Variants in TMTC2 observed in about 807,000 individuals in gnomAD.
The protein encoded by TMTC2 is transmembrane O-mannosyltransferase targeting cadherins 2.
TMTC2 carries 43 observed loss-of-function variants against 82.4 expected under a neutral mutation model. The ratio of observed to expected loss-of-function variants is 0.52; its 90% confidence interval spans 0.41 to 0.67. The LOEUF (loss-of-function observed/expected upper bound fraction) is 0.67, where lower values mean the gene tolerates loss of function less well. Ranked by LOEUF, TMTC2 falls within the 30% of genes least tolerant of loss-of-function variation. The pLI is 0.00. For missense variants in TMTC2, 919 were observed against 1,012.4 expected, an observed-to-expected ratio of 0.91 and a Z score of 1.25; for synonymous variants, 408 against 381.9, an observed-to-expected ratio of 1.07 and a Z score of -0.80.
chr12:83,093,766 A>T (rs1193858232), intron 11 of TMTC2, among the ~76,000 whole-genome samples: 1 of 152,086 alleles, frequency 6.6e-6, no homozygotes, highest in Admixed American at 6.5e-5. Flanking sequence ...ATGAAGATGA[A>T]TTTTTTTCCT....
At chr12:82,906,548 C>T (rs1047048044) in intron 3 of TMTC2, among the ~76,000 whole-genome samples, 3 of 151,812 alleles carry the variant, frequency 2.0e-5, no homozygotes, top group Admixed American at 6.6e-5. Context: ...GCCTCAAACC[C>T]GCCTGAGGCA....
At chr12:82,967,113 C>T (rs1878247800) in intron 7 of TMTC2, 116 bp downstream of exon 7, 1 of 736,034 alleles carries the variant, frequency 1.4e-6, no homozygotes. Flanking sequence ...ACAAAAGAAA[C>T]GTTCACAATC....
intron 11 of TMTC2, among the ~76,000 whole-genome samples, chr12:83,067,773 G>A (rs536180767): frequency 6.6e-6 from 1 of 152,074 alleles, no homozygotes; most frequent in East Asian, 1.9e-4. Flanking sequence ...ATCACTGGTA[G>A]ATTACTTCTA....
At chr12:82,896,708 G>T (rs992383810) in intron 3 of TMTC2, 62 bp downstream of exon 3, 1 of 1,346,292 alleles carries the variant, frequency 7.4e-7, no homozygotes, top group Non-Finnish European at 1.0e-6. Flanking sequence ...TTATATCTTT[G>T]CTTCTTGTCT....
intron 2 of TMTC2, among the ~76,000 whole-genome samples, chr12:82,862,059 A>G (rs1045303761): frequency 4.6e-5 from 7 of 152,218 alleles, no homozygotes; most frequent in Non-Finnish European, 8.8e-5. Context: ...CATGTATGTC[A>G]GAAAATAAAT....
At chr12:83,064,821 A>T (rs1330096901) in intron 11 of TMTC2, among the ~76,000 whole-genome samples, 4 of 151,992 alleles carry the variant, frequency 2.6e-5, no homozygotes, top group African/African-American at 9.7e-5. Flanking sequence ...TATCCTGTTC[A>T]TAGCTGTTTA....
At chr12:82,970,230 G>A (rs1191340809) in intron 7 of TMTC2, among the ~76,000 whole-genome samples, 1 of 152,338 alleles carries the variant, frequency 6.6e-6, no homozygotes, top group East Asian at 1.9e-4. Context: ...ATCAGTGTGA[G>A]GATTGATTAA....
intron 1 of TMTC2, among the ~76,000 whole-genome samples, chr12:82,696,637 A>G (rs2136891499): frequency 6.6e-6 from 1 of 152,070 alleles, no homozygotes; most frequent in African/African-American, 2.4e-5. Context: ...CTTTTGTTCC[A>G]TATTGAACAG....
chr12:83,129,310 C>G (rs1885191302), intron 11 of TMTC2, among the ~76,000 whole-genome samples: 1 of 152,022 alleles, frequency 6.6e-6, no homozygotes, highest in South Asian at 2.1e-4. Context: ...CCCATGGTAA[C>G]TATGATTATT....
chr12:82,731,317 A>G (rs1874798691), intron 1 of TMTC2, among the ~76,000 whole-genome samples: 1 of 152,256 alleles, frequency 6.6e-6, no homozygotes, highest in Admixed American at 6.5e-5. Flanking sequence ...GTGGGGCTCC[A>G]GAGTGTCTGG....
chr12:83,126,641 C>T (rs1391932898), intron 11 of TMTC2, among the ~76,000 whole-genome samples: 2 of 151,900 alleles, frequency 1.3e-5, no homozygotes, highest in South Asian at 2.1e-4. Flanking sequence ...GTAAAGTTAT[C>T]AAGACTTAAC....
chr12:83,075,466 C>T (rs1423221726), intron 11 of TMTC2, among the ~76,000 whole-genome samples: 1 of 152,008 alleles, frequency 6.6e-6, no homozygotes, highest in Non-Finnish European at 1.5e-5. Context: ...CACACCCCTC[C>T]CCCCAAAATA....
chr12:82,734,915 G>T (rs919082518), intron 1 of TMTC2, among the ~76,000 whole-genome samples: 6 of 152,168 alleles, frequency 3.9e-5, no homozygotes, highest in Non-Finnish European at 8.8e-5. Context: ...AAGAGAATTA[G>T]AAATAATAAT....
chr12:83,108,699 G>T (rs1310779135), intron 11 of TMTC2, among the ~76,000 whole-genome samples: 1 of 151,586 alleles, frequency 6.6e-6, no homozygotes, highest in Non-Finnish European at 1.5e-5. Context: ...ACATTAATAA[G>T]TGTGTTACTC....
chr12:82,926,627 C>T (rs1026909738), intron 3 of TMTC2, among the ~76,000 whole-genome samples: 11 of 152,092 alleles, frequency 7.2e-5, no homozygotes, highest in African/African-American at 2.4e-4. Flanking sequence ...AAGAAGATAC[C>T]ATATAAGACT....
At chr12:82,995,124 T>C (rs912333237) in intron 8 of TMTC2, among the ~76,000 whole-genome samples, 3 of 152,196 alleles carry the variant, frequency 2.0e-5, no homozygotes, top group African/African-American at 7.2e-5. Flanking sequence ...TTCCCTTGCT[T>C]GGTAATTTTT....
intron 7 of TMTC2, among the ~76,000 whole-genome samples, chr12:82,982,439 C>CTT (rs11389314): frequency 2.4e-3 from 351 of 144,142 alleles, no homozygotes; most frequent in Non-Finnish European, 3.3e-3. Context: ...TATCCATAAT[C>CTT]TTTTTTTTTT....
At chr12:82,952,935 G>A (rs534462839) in intron 4 of TMTC2, among the ~76,000 whole-genome samples, 2 of 152,144 alleles carry the variant, frequency 1.3e-5, no homozygotes, top group African/African-American at 4.8e-5. Context: ...GGAAGAGGTT[G>A]GTTGTCAAGT....
intron 1 of TMTC2, among the ~76,000 whole-genome samples, chr12:82,837,033 A>G (rs750255299): frequency 3.7e-4 from 56 of 152,202 alleles, no homozygotes; most frequent in Non-Finnish European, 7.9e-4. Context: ...GTCATCAGGG[A>G]CAAAATAAGA....
Sources: gnomAD v4.1 joint callset for allele counts (sites outside exome capture counted in the v4.1 genomes callset) on GRCh38, gnomAD v4.1.1 for gene constraint, MANE v1.5 for transcripts, NCBI Gene and HGNC (gene_info 2026-07-23, HGNC 2026-07-21) for gene names.